The following LOXHD1 variants were observed in gnomAD, a reference collection of about 807,000 sequenced individuals.
The protein encoded by LOXHD1 is lipoxygenase homology PLAT domains 1, also known as lipoxygenase homology domain-containing protein 1.
In LOXHD1, 205 loss-of-function variants were observed where a neutral mutation model predicts 248.2. The observed-to-expected ratio is 0.83, with a 90% CI of 0.74 to 0.93. The LOEUF (loss-of-function observed/expected upper bound fraction) is 0.93. Among genes scored for constraint, LOXHD1 ranks in the 40% least tolerant of loss-of-function variants. The pLI is 0.00. For missense variants in LOXHD1, 2,930 were observed against 2,971.6 expected (o/e 0.99, Z 0.33); for synonymous variants, 1,113 against 1,162.8 (o/e 0.96, Z 0.87).
chr18:46,569,912 G>A (rs1568192434), intron 15 of LOXHD1, among the ~76,000 whole-genome samples: 2 of 152,214 alleles, frequency 1.3e-5, no homozygotes, highest in Non-Finnish European at 2.9e-5. Flanking sequence ...AGGAAAGCGT[G>A]TAAATCACAA....
rs768492046 is a variant in LOXHD1 at position 46,542,820 on chromosome 18, C to T, written c.3655G>A (p.Asp1219Asn). The change falls in exon 24 of 41, where the codon GAT becomes AAT. Residue 1219 changes from aspartate (D) to asparagine (N), a missense_variant. By Grantham distance (23) the Asp-to-Asn change is conservative. Transcript: ENST00000642948. ...TCAATGCTGTCCCTCTCAAACTTAT[C>T]GCTGTTTGTCTTGGAGGACTTCAGG... ...TLLKSSKTNS[D>N]KFERDSIEIF... The T allele has an allele frequency of 1.0e-5, 16 of 1,551,612 alleles. No homozygotes were observed. In the African/African-American group the frequency reaches 1.2e-4, roughly 12 times the overall value.
chr18:46,558,958 A>C, intron 20 of LOXHD1: 1 of 409,598 alleles, frequency 2.4e-6, no homozygotes, highest in Non-Finnish European at 4.8e-6. Context: ...CTCAGCTGGA[A>C]GACACACTGT....
At position 46,542,838 on chromosome 18, in the gene LOXHD1, A is replaced by G. The variant is rs568181153; in HGVS notation, c.3637T>C (p.Ser1213Pro). The stretch of plus-strand genomic sequence containing the variant: ...AACTTATCGCTGTTTGTCTTGGAGG[A>G]CTTCAGGAGGGTCATTCCTGTGGAT... ...QDDTGMTLLK[S>P]SKTNSDKFER... Residue 1213 changes from serine to proline, a missense_variant, in exon 24 of 41, where the codon TCC becomes CCC. Transcript: ENST00000642948. 9 of 1,551,608 alleles carry G rather than the reference A, an allele frequency of 5.8e-6. No homozygotes were observed. In the African/African-American group the frequency reaches 1.2e-4, roughly 21 times the overall value.
At chr18:46,624,011 C>A (rs1483485871) in intron 4 of LOXHD1, among the ~76,000 whole-genome samples, 1 of 152,250 alleles carries the variant, frequency 6.6e-6, no homozygotes, top group African/African-American at 2.4e-5. Context: ...GGGAAGCTCA[C>A]GTGGTCCAGG....
intron 34 of LOXHD1, among the ~76,000 whole-genome samples, chr18:46,515,720 T>TA: frequency 6.6e-6 from 1 of 152,180 alleles, no homozygotes; most frequent in Non-Finnish European, 1.5e-5. Flanking sequence ...GTAAAGACTA[T>TA]AGGAGACTGA....
Position 46,538,044 on chromosome 18 carries a change from C to G in LOXHD1, c.4095+112G>C, listed in dbSNP as rs1319694485. 7.1e-6 allele frequency: 7 copies of G among 988,848 alleles called. No homozygotes were observed. In the African/African-American group the frequency reaches 1.1e-4, roughly 16 times the overall value. 61.3% of individuals were successfully genotyped at this position (988,848 alleles called of 1,614,324 possible). On this transcript the variant is annotated intron_variant, in intron 26 of 40. Coordinates refer to ENST00000642948, the MANE Select transcript of LOXHD1 (RefSeq NM_001384474.1). ...TAGGATGAGCTGCTCACCTTCCTCT[C>G]TAATAGCAGTGCATCAGGATGAAGG...
At chr18:46,502,686 T>C (rs962120417) in intron 37 of LOXHD1, among the ~76,000 whole-genome samples, 2 of 152,162 alleles carry the variant, frequency 1.3e-5, no homozygotes, top group African/African-American at 4.8e-5. Context: ...CTACAGAGTA[T>C]GGTCCTTAAC....
At chr18:46,628,205 G>A (rs915575320) in intron 4 of LOXHD1, among the ~76,000 whole-genome samples, 13 of 152,248 alleles carry the variant, frequency 8.5e-5, no homozygotes, top group Admixed American at 5.2e-4. Context: ...GTCCCTTTTG[G>A]TCCTTAAATT....
In LOXHD1 at chr18:46,524,740, C is replaced by T. The variant is rs747408197; in HGVS notation, c.4708G>A (p.Asp1570Asn). Residue 1570 changes from aspartate (D) to asparagine (N), a missense_variant, in exon 30 of 41, where the codon GAT becomes AAT. Physicochemically the swap from Asp to Asn is conservative, Grantham distance 23. Coordinates refer to ENST00000642948, the MANE Select transcript of LOXHD1 (RefSeq NM_001384474.1). ...TAAAAGAGCCTCTCGAGTCGCCCAT[C>T]CTCCTTCTTCAGGGAGAGCCAGCGC... Reference protein sequence around the residue: ...CGRWLSLKKEDGRLERLFYEK... With the variant: ...CGRWLSLKKENGRLERLFYEK... The T allele has an allele frequency of 6.9e-5, 107 of 1,551,642 alleles. No homozygotes were observed. The highest frequency in any genetic ancestry group is 8.5e-5 in the Non-Finnish European group (97 of 1,147,018).
intron 4 of LOXHD1, among the ~76,000 whole-genome samples, chr18:46,627,926 C>T (rs2038766222): frequency 1.3e-5 from 2 of 152,222 alleles, no homozygotes; most frequent in Non-Finnish European, 2.9e-5. Flanking sequence ...TGACTCTCTC[C>T]CGTCTAGACT....
chr18:46,507,528 C>A lies in LOXHD1; in HGVS notation c.5692+10G>T. 2 of 1,551,608 alleles carry A rather than the reference C, an allele frequency of 1.3e-6. No individual in the cohort carries two copies. Among genetic ancestry groups the A allele is most frequent in the Non-Finnish European group, 1.7e-6 (2 of 1,146,944 alleles). ...AAGGGAGCGGGAGGTGTGAGGGACC[C>A]CCGACCCACCCAGGATGTCGCTGGT... On this transcript the variant is annotated intron_variant, in intron 36 of 40. Coordinates refer to ENST00000642948, the MANE Select transcript of LOXHD1 (RefSeq NM_001384474.1).
rs17689432 is a variant in LOXHD1 at position 46,488,850 on chromosome 18, C to T, written c.6049+122G>A. On this transcript the variant is annotated intron_variant, in intron 38 of 40. Coordinates refer to ENST00000642948, the MANE Select transcript of LOXHD1 (RefSeq NM_001384474.1). The stretch of plus-strand genomic sequence containing the variant: ...CCAAACAGCATTTAGGATGTTTCCT[C>T]ATGCATATCTCCATATTATTCCCTG... 0.1 allele frequency: 105,562 copies of T among 1,053,446 alleles called. 5,870 individuals are homozygous for T. Among genetic ancestry groups the T allele is most frequent in the Non-Finnish European group, 0.11 (84,122 of 739,796 alleles). The allele number at this position is 1,053,446 out of a possible 1,614,324, so 65.3% of individuals were successfully genotyped here. A position where few individuals can be genotyped will look rare whatever the true frequency, so the allele number is the denominator to read the frequency against.
chr18:46,539,931 G>C lies in LOXHD1; in HGVS notation c.3914-1594C>G, dbSNP rs118022259. On this transcript the variant is annotated intron_variant, in intron 25 of 40. Coordinates refer to ENST00000642948, the MANE Select transcript of LOXHD1 (RefSeq NM_001384474.1). ...TCTCTTGTGGCCCTAACCTTCTCCA[G>C]ATGAAGACGTTGCTTTCATTTATCA... is the stretch of plus-strand genomic sequence containing the variant. 5.0e-3 allele frequency among the ~76,000 whole-genome samples: 765 copies of C among 152,308 alleles called. 2 individuals carry two copies. The highest frequency in any genetic ancestry group is 9.0e-3 in the Non-Finnish European group (614 of 68,016).
chr18:46,588,301 C>T (rs756636004), intron 12 of LOXHD1, among the ~76,000 whole-genome samples: 4 of 152,048 alleles, frequency 2.6e-5, no homozygotes, highest in East Asian at 3.9e-4. Flanking sequence ...CAGGGACCCC[C>T]GGAAGACATC....
chr18:46,561,319 T>A (rs1322127785), intron 18 of LOXHD1, among the ~76,000 whole-genome samples: 2 of 152,164 alleles, frequency 1.3e-5, no homozygotes, highest in Non-Finnish European at 2.9e-5. Context: ...TCTACCAGGA[T>A]GGGCATAGCA....
intron 21 of LOXHD1, among the ~76,000 whole-genome samples, chr18:46,552,772 A>G (rs949974962): frequency 6.6e-6 from 1 of 152,122 alleles, no homozygotes; most frequent in Non-Finnish European, 1.5e-5. Context: ...CAAGCTCCTC[A>G]GCATGGCTTT....
At chr18:46,504,772 C>G (rs546777126) in intron 37 of LOXHD1, among the ~76,000 whole-genome samples, 1 of 152,334 alleles carries the variant, frequency 6.6e-6, no homozygotes, top group African/African-American at 2.4e-5. Flanking sequence ...ACACAACATT[C>G]AGGACAGCTC....
intron 5 of LOXHD1, 59 bp downstream of exon 5, chr18:46,618,133 C>A (rs1372310641): frequency 7.0e-6 from 9 of 1,280,720 alleles, no homozygotes; most frequent in East Asian, 5.0e-5. Context: ...ATTGTGGGAA[C>A]CCCATCTACA....
chr18:46,495,311 T>C (rs1393091820), intron 37 of LOXHD1, among the ~76,000 whole-genome samples: 1 of 152,258 alleles, frequency 6.6e-6, no homozygotes, highest in Admixed American at 6.5e-5. Flanking sequence ...ATTGGAATTA[T>C]GGAGAATTAA....
Sources: gnomAD v4.1 joint callset for allele counts (sites outside exome capture counted in the v4.1 genomes callset) on GRCh38, gnomAD v4.1.1 for gene constraint, MANE v1.5 for transcripts, NCBI Gene and HGNC (gene_info 2026-07-23, HGNC 2026-07-21) for gene names.